The following SRRM4 variants were observed in gnomAD, a reference collection of about 807,000 sequenced individuals.
SRRM4 encodes serine/arginine repetitive matrix 4.
Under a neutral mutation model 68.9 loss-of-function variants are expected in SRRM4, and 33 were observed. The ratio of observed to expected loss-of-function variants is 0.48; its 90% CI spans 0.36 to 0.64. The LOEUF is 0.64. Among genes scored for constraint, SRRM4 ranks in the 30% least tolerant of loss-of-function variants. The probability of loss-of-function intolerance (pLI) is 0.00; values close to 1 mark genes in which losing one functional copy is unlikely to be tolerated. For missense variants in SRRM4, 817 were observed against 827.1 expected (o/e 0.99, Z 0.15); for synonymous variants, 318 against 318.8 (o/e 1.00, Z 0.03).
intron 1 of SRRM4, among the ~76,000 whole-genome samples, chr12:119,041,119 T>G (rs994773460): frequency 1.3e-5 from 2 of 152,138 alleles, no homozygotes; most frequent in African/African-American, 4.8e-5. Flanking sequence ...ATAAGCTTAT[T>G]TGATTGTTAA....
chr12:119,153,579 A>G lies in SRRM4; in HGVS notation c.1321A>G (p.Lys441Glu). 6.3e-7 allele frequency: 1 copy of G among 1,577,614 alleles called. No individual in the cohort carries two copies. The highest frequency in any genetic ancestry group is 8.6e-7 in the Non-Finnish European group (1 of 1,162,410). Residue 441 changes from lysine (K) to glutamate (E), a missense_variant, in exon 11 of 13, where the codon AAG becomes GAG. Transcript: ENST00000267260. ...RSPSYSSKSG[K>E]RSPPSRSSRS... ...TCCCAGCTATTCCTCCAAGTCTGGC[A>G]AGAGGAGCCCGCCCAGCAGAAGCTC...
chr12:119,009,147 C>T (rs1351044643), intron 1 of SRRM4, among the ~76,000 whole-genome samples: 1 of 152,152 alleles, frequency 6.6e-6, no homozygotes, highest in Non-Finnish European at 1.5e-5. Flanking sequence ...CCCTCCCAGG[C>T]CCGCTGCAGC....
At chr12:118,982,154 C>A in intron 1 of SRRM4, 141 bp downstream of exon 1, 1 of 1,048,020 alleles carries the variant, frequency 9.5e-7, no homozygotes, top group Non-Finnish European at 1.4e-6. Context: ...CCCGCTGAAA[C>A]ATGGGAACTC....
At chr12:119,143,462 CT>C (rs1954379596) in intron 8 of SRRM4, among the ~76,000 whole-genome samples, 2 of 152,290 alleles carry the variant, frequency 1.3e-5, no homozygotes, top group Non-Finnish European at 2.9e-5. Context: ...GTTCTCTTAT[CT>C]TGGTCAACAT....
chr12:119,138,370 T>C (rs1954344018), intron 8 of SRRM4, among the ~76,000 whole-genome samples: 1 of 152,170 alleles, frequency 6.6e-6, no homozygotes, highest in African/African-American at 2.4e-5. Context: ...TGTCCATATA[T>C]AGATCCTCAC....
Position 119,004,041 on chromosome 12 carries a change from T to A in SRRM4, c.131+22028T>A, listed in dbSNP as rs144381485. On this transcript the variant is annotated intron_variant, in intron 1 of 12. Coordinates refer to ENST00000267260, the MANE Select transcript of SRRM4 (RefSeq NM_194286.4). Reference sequence around the variant, plus strand: ...TATGTTCTAGTCTGGATTTTGGATGTTTGTGGTTTTTCTCAGCTTCTAAAA... The same window carrying A: ...TATGTTCTAGTCTGGATTTTGGATGATTGTGGTTTTTCTCAGCTTCTAAAA... 4.1e-3 allele frequency among the ~76,000 whole-genome samples: 621 copies of A among 152,158 alleles called. 5 individuals carry two copies. Among genetic ancestry groups the A allele is most frequent in the African/African-American group, 0.014 (582 of 41,578 alleles).
chr12:119,108,414 G>A (rs1323217591), intron 2 of SRRM4, among the ~76,000 whole-genome samples: 1 of 152,144 alleles, frequency 6.6e-6, no homozygotes, highest in African/African-American at 2.4e-5. Context: ...TGACAGTGGG[G>A]TGTTAAAGTC....
At chr12:119,074,593 A>G (rs1049282114) in intron 1 of SRRM4, among the ~76,000 whole-genome samples, 45 of 152,318 alleles carry the variant, frequency 3.0e-4, no homozygotes, top group Middle Eastern at 3.4e-3. Context: ...CTGGCTCTAT[A>G]TTAGAATAAA....
intron 1 of SRRM4, among the ~76,000 whole-genome samples, chr12:119,030,879 T>C (rs1953584900): frequency 6.6e-6 from 1 of 152,234 alleles, no homozygotes; most frequent in Non-Finnish European, 1.5e-5. Context: ...TCCAGCCTTA[T>C]ATTCATTGAC....
intron 1 of SRRM4, among the ~76,000 whole-genome samples, chr12:119,046,121 C>G (rs1953706056): frequency 6.6e-6 from 1 of 152,000 alleles, no homozygotes; most frequent in Admixed American, 6.5e-5. Flanking sequence ...AGGAGGCGTG[C>G]TTTGGGCACC....
chr12:119,129,818 T>C (rs554533179), intron 7 of SRRM4, among the ~76,000 whole-genome samples: 50 of 152,314 alleles, frequency 3.3e-4, no homozygotes, highest in African/African-American at 1.1e-3. Flanking sequence ...GGTAGATGGA[T>C]GGATGAATGG....
chr12:119,019,082 G>C (rs1953498544), intron 1 of SRRM4, among the ~76,000 whole-genome samples: 1 of 152,080 alleles, frequency 6.6e-6, no homozygotes. Flanking sequence ...TAACCTTCCT[G>C]GTCTGCTCCC....
chr12:119,037,143 TTGGG>T (rs1365391660), intron 1 of SRRM4, among the ~76,000 whole-genome samples: 1 of 152,098 alleles, frequency 6.6e-6, no homozygotes, highest in Non-Finnish European at 1.5e-5. Flanking sequence ...CCCCCAGTTC[TTGGG>T]TGGGTGGGTC....
chr12:119,047,823 G>T (rs34242467), intron 1 of SRRM4, among the ~76,000 whole-genome samples: 34,737 of 152,158 alleles, frequency 0.23, 4,750 homozygotes, highest in Middle Eastern at 0.41. Flanking sequence ...CAGGTCACAT[G>T]ATCAACCCCA....
chr12:119,017,030 C>T (rs1953486119), intron 1 of SRRM4, among the ~76,000 whole-genome samples: 1 of 152,228 alleles, frequency 6.6e-6, no homozygotes, highest in South Asian at 2.1e-4. Flanking sequence ...ATGAAAAGTA[C>T]TATCATGCTT....
At chr12:119,124,584 A>G (rs1169651308) in intron 6 of SRRM4, among the ~76,000 whole-genome samples, 2 of 152,096 alleles carry the variant, frequency 1.3e-5, no homozygotes, top group African/African-American at 2.4e-5. Context: ...TGCCACTACT[A>G]TTTCTGAATT....
At chr12:119,149,635 C>T (rs1215901885) in intron 9 of SRRM4, among the ~76,000 whole-genome samples, 1 of 152,230 alleles carries the variant, frequency 6.6e-6, no homozygotes, top group Non-Finnish European at 1.5e-5. Flanking sequence ...AAGCCAGAAT[C>T]ATAAGTAGGA....
chr12:119,029,176 T>G (rs920328280), intron 1 of SRRM4, among the ~76,000 whole-genome samples: 2 of 152,178 alleles, frequency 1.3e-5, no homozygotes, highest in African/African-American at 4.8e-5. Context: ...AAGCATGGCT[T>G]ACATATACTC....
At chr12:119,061,675 T>C (rs1953812989) in intron 1 of SRRM4, among the ~76,000 whole-genome samples, 1 of 152,224 alleles carries the variant, frequency 6.6e-6, no homozygotes, top group African/African-American at 2.4e-5. Context: ...GTCCCCCTCA[T>C]TTCTGAAAAG....
Sources: gnomAD v4.1 joint callset for allele counts (sites outside exome capture counted in the v4.1 genomes callset) on GRCh38, gnomAD v4.1.1 for gene constraint, MANE v1.5 for transcripts, NCBI Gene and HGNC (gene_info 2026-07-23, HGNC 2026-07-21) for gene names.